The following SNX29 variants were observed in gnomAD, a reference collection of about 807,000 sequenced individuals.
SNX29 encodes sorting nexin-29.
A neutral mutation model predicts 102.1 loss-of-function variants in SNX29; 78 were observed. That is an observed-to-expected ratio of 0.76 (90% CI 0.64 to 0.92). The LOEUF (loss-of-function observed/expected upper bound fraction) is 0.92. Among genes scored for constraint, SNX29 ranks in the 40% least tolerant of loss-of-function variants. SNX29 has a pLI of 0.00. For synonymous variants in SNX29, 580 were observed against 414.5 expected (o/e 1.40, Z -4.85); for missense variants, 1,280 against 1,061.7 (o/e 1.21, Z -2.86).
intron 14 of SNX29, among the ~76,000 whole-genome samples, chr16:12,217,942 T>A (rs2077368457): frequency 6.6e-6 from 1 of 152,244 alleles, no homozygotes; most frequent in South Asian, 2.1e-4. Context: ...ATTTGGTTCC[T>A]CATTGGGAGA....
intron 18 of SNX29, among the ~76,000 whole-genome samples, chr16:12,428,313 T>A (rs11075072): frequency 0.34 from 51,249 of 152,134 alleles, 10,478 homozygotes; most frequent in Non-Finnish European, 0.45. Context: ...ATGGCTTGAA[T>A]TATCCTTAAA....
At chr16:12,319,006 C>T (rs2080843603) in intron 15 of SNX29, among the ~76,000 whole-genome samples, 1 of 152,010 alleles carries the variant, frequency 6.6e-6, no homozygotes, top group African/African-American at 2.4e-5. Context: ...CCCTTCAGAC[C>T]CCCAGTAAAC....
chr16:12,442,943 A>C, intron 18 of SNX29: 2 of 451,774 alleles, frequency 4.4e-6, no homozygotes, highest in Admixed American at 2.4e-5. Context: ...TTTGAATTTC[A>C]TATACTTTGC....
chr16:12,304,714 TCTC>T (rs776087158), intron 15 of SNX29, among the ~76,000 whole-genome samples: 2 of 152,192 alleles, frequency 1.3e-5, no homozygotes, highest in African/African-American at 4.8e-5. Context: ...TTTTCTTGCT[TCTC>T]CTCCTATTTT....
rs78989888 is a variant in SNX29 at position 12,400,258 on chromosome 16, T to G, written c.1955+1757T>G. Among the ~76,000 whole-genome samples the G allele has an allele frequency of 7.3e-3, 1,111 of 152,266 alleles. 5 individuals are homozygous for G. The highest frequency in any genetic ancestry group is 0.014 in the Middle Eastern group (4 of 294). ...TCGTTCCCAGCCTTTCCCACTCCTCTCCCTGCACCAGCCATCCTGGCAGTT... is the reference window on the plus strand; with the variant it reads ...TCGTTCCCAGCCTTTCCCACTCCTCGCCCTGCACCAGCCATCCTGGCAGTT... On this transcript the variant is annotated intron_variant, in intron 17 of 20. Transcript: ENST00000566228.
In SNX29 at chr16:12,054,619, C is replaced by G. The variant is rs1024765430; in HGVS notation, c.1124+2397C>G. On this transcript the variant is annotated intron_variant, in intron 8 of 20. Coordinates refer to ENST00000566228, the MANE Select transcript of SNX29 (RefSeq NM_032167.5). ...TCCCACTATCTGCTCTCCTGGTTCTCAGGCTTCAGACTTGGACTTCACCAC... is the reference window on the plus strand; with the variant it reads ...TCCCACTATCTGCTCTCCTGGTTCTGAGGCTTCAGACTTGGACTTCACCAC... Among the ~76,000 whole-genome samples, 23 of 152,234 alleles carry G rather than the reference C, an allele frequency of 1.5e-4. 1 individual carries two copies. Among genetic ancestry groups the G allele is most frequent in the Admixed American group, 1.4e-3 (22 of 15,282 alleles).
chr16:12,065,791 C>G (rs550844949), intron 9 of SNX29, among the ~76,000 whole-genome samples: 70 of 152,312 alleles, frequency 4.6e-4, no homozygotes, highest in African/African-American at 1.5e-3. Flanking sequence ...CACTGGATCA[C>G]TGGATGCAGG....
chr16:12,390,087 G>A (rs1310700965), intron 16 of SNX29, among the ~76,000 whole-genome samples: 1 of 152,058 alleles, frequency 6.6e-6, no homozygotes, highest in East Asian at 1.9e-4. Context: ...ATCCTTAAAA[G>A]TCTGTTGATA....
intron 18 of SNX29, among the ~76,000 whole-genome samples, chr16:12,427,921 A>C (rs2085150044): frequency 6.6e-6 from 1 of 152,214 alleles, no homozygotes; most frequent in Non-Finnish European, 1.5e-5. Flanking sequence ...CTTAAACTCC[A>C]ATTTAGCAGT....
intron 11 of SNX29, among the ~76,000 whole-genome samples, chr16:12,110,650 C>A (rs1380970109): frequency 6.6e-6 from 1 of 152,042 alleles, no homozygotes; most frequent in Non-Finnish European, 1.5e-5. Flanking sequence ...ACACCCTGCT[C>A]CAGGGTGGTC....
chr16:12,308,497 A>C (rs546635368), intron 15 of SNX29, among the ~76,000 whole-genome samples: 2 of 152,230 alleles, frequency 1.3e-5, no homozygotes, highest in South Asian at 4.2e-4. Flanking sequence ...ATTAATCCTC[A>C]GGTCACTCAT....
chr16:12,123,342 A>G (rs1025496336), intron 11 of SNX29, among the ~76,000 whole-genome samples: 1 of 152,134 alleles, frequency 6.6e-6, no homozygotes, highest in East Asian at 1.9e-4. Flanking sequence ...GTACCATAGT[A>G]TTGTTAGCCA....
intron 16 of SNX29, among the ~76,000 whole-genome samples, chr16:12,396,255 T>A (rs1474746575): frequency 6.6e-6 from 1 of 152,198 alleles, no homozygotes; most frequent in East Asian, 1.9e-4. Flanking sequence ...TGTAGAGTAA[T>A]GTCTGTCCTT....
intron 16 of SNX29, among the ~76,000 whole-genome samples, chr16:12,384,361 T>A (rs1484116277): frequency 6.6e-6 from 1 of 152,236 alleles, no homozygotes; most frequent in Non-Finnish European, 1.5e-5. Context: ...TTCCCTTTTC[T>A]CCATATCCTC....
Position 12,272,604 on chromosome 16 carries a change from A to AT in SNX29, c.1679-5328dup, listed in dbSNP as rs2079123961. On this transcript the variant is annotated intron_variant, in intron 14 of 20. Transcript: ENST00000566228. ...CTCAAATTCTGATTACATAGTTTAC[A>AT]TATCACTAACATATAATCATAGTTT... is the stretch of plus-strand genomic sequence containing the variant. Among the ~76,000 whole-genome samples, 3 of 152,376 alleles carry AT rather than the reference A, an allele frequency of 2.0e-5. No individual in the cohort carries two copies. The South Asian group carries it at 6.2e-4, about 32-fold the overall frequency.
intron 18 of SNX29, among the ~76,000 whole-genome samples, chr16:12,471,368 C>T (rs2087333002): frequency 6.6e-6 from 1 of 152,192 alleles, no homozygotes; most frequent in South Asian, 2.1e-4. Context: ...CTTAATTCTC[C>T]TCCTCTTCCA....
chr16:12,518,276 C>T (rs2089952198), intron 19 of SNX29, among the ~76,000 whole-genome samples: 1 of 152,162 alleles, frequency 6.6e-6, no homozygotes, highest in African/African-American at 2.4e-5. Context: ...TGGCTTTGTT[C>T]ACTGGTCTAC....
chr16:12,550,512 G>C (rs1393921526), intron 20 of SNX29, among the ~76,000 whole-genome samples: 1 of 144,864 alleles, frequency 6.9e-6, no homozygotes, highest in Non-Finnish European at 1.5e-5. Flanking sequence ...TCCAGTCTGG[G>C]AGACACAGTC....
At chr16:12,026,060 A>C (rs1217330606) in intron 3 of SNX29, among the ~76,000 whole-genome samples, 2 of 152,182 alleles carry the variant, frequency 1.3e-5, no homozygotes, top group African/African-American at 2.4e-5. Flanking sequence ...AAACACCTGG[A>C]GTATTGTTAC....
Sources: gnomAD v4.1 joint callset for allele counts (sites outside exome capture counted in the v4.1 genomes callset) on GRCh38, gnomAD v4.1.1 for gene constraint, MANE v1.5 for transcripts, NCBI Gene and HGNC (gene_info 2026-07-23, HGNC 2026-07-21) for gene names.